The following PHKB variants were observed in gnomAD, a reference collection of about 807,000 sequenced individuals.
PHKB encodes phosphorylase b kinase regulatory subunit beta.
A neutral mutation model predicts 152.1 loss-of-function variants in PHKB; 122 were observed. That is an observed-to-expected ratio of 0.80 (90% CI 0.69 to 0.93). The LOEUF is 0.93. Ranked by LOEUF, PHKB falls within the 40% of genes least tolerant of loss-of-function variation. PHKB has a pLI of 0.00. For missense variants in PHKB, 1,304 were observed against 1,328.4 expected, an observed-to-expected ratio of 0.98 and a Z score of 0.29; for synonymous variants, 436 against 464.9, an observed-to-expected ratio of 0.94 and a Z score of 0.80.
At chr16:47,697,450 T>C (rs1049596942) in intron 29 of PHKB, among the ~76,000 whole-genome samples, 1 of 152,236 alleles carries the variant, frequency 6.6e-6, no homozygotes, top group East Asian at 1.9e-4. Flanking sequence ...GGACATATAG[T>C]AGACATAGAG....
At chr16:47,647,574 T>C (rs989271657) in intron 16 of PHKB, among the ~76,000 whole-genome samples, 2 of 151,966 alleles carry the variant, frequency 1.3e-5, no homozygotes, top group African/African-American at 4.8e-5. Flanking sequence ...CATGGCTCAC[T>C]GCAAGTTCTG....
At chr16:47,593,476 T>G in intron 10 of PHKB, 24 bp from the exon 11 acceptor site, 1 of 1,195,846 alleles carries the variant, frequency 8.4e-7, no homozygotes, top group Non-Finnish European at 1.2e-6. Context: ...AGTGTAAAAT[T>G]TAATGTTTTA....
chr16:47,503,055 G>C lies in PHKB; in HGVS notation c.370G>C (p.Gly124Arg), dbSNP rs749597903. 3.7e-6 allele frequency: 6 copies of C among 1,612,852 alleles called. No individual in the cohort carries two copies. Among genetic ancestry groups the C allele is most frequent in the Non-Finnish European group, 5.1e-6 (6 of 1,178,958 alleles). Residue 124 changes from glycine to arginine, a missense_variant, in exon 4 of 31, where the codon GGA (glycine) becomes CGA (arginine). By Grantham distance (125) the Gly-to-Arg change is moderately radical. Coordinates refer to ENST00000323584, the MANE Select transcript of PHKB (RefSeq NM_000293.3). ...LEHSAIKCMR[G>R]ILYCYMRQAD... ...GCACTCAGCTATAAAATGCATGAGAGGAATTCTCTACTGCTATATGCGTCA... is the reference window on the plus strand; with the variant it reads ...GCACTCAGCTATAAAATGCATGAGACGAATTCTCTACTGCTATATGCGTCA...
At chr16:47,496,166 G>A (rs920468920) in intron 1 of PHKB, among the ~76,000 whole-genome samples, 2 of 151,792 alleles carry the variant, frequency 1.3e-5, no homozygotes, top group African/African-American at 4.8e-5. Context: ...GTTCATTTTT[G>A]TGCTATGTTC....
chr16:47,666,564 G>C (rs373593263), intron 25 of PHKB, among the ~76,000 whole-genome samples: 72 of 152,344 alleles, frequency 4.7e-4, no homozygotes, highest in African/African-American at 1.6e-3. Context: ...CCAGTTAGCA[G>C]TGGTCTCTCT....
intron 7 of PHKB, chr16:47,561,170 T>C (rs993188815): frequency 5.3e-5 from 8 of 152,156 alleles, no homozygotes; most frequent in Non-Finnish European, 2.9e-5. Flanking sequence ...GTGGAATACT[T>C]TAGGAAATGA....
Position 47,565,116 on chromosome 16 carries a change from C to T in PHKB, c.711-15179C>T. On this transcript the variant is annotated intron_variant, in intron 7 of 30. Transcript: ENST00000323584. ...TAATCTTCTCCCTCGTTTTCATTTT[C>T]ACCATCAACGGAGACAGCAGCATAC... 3 of 509,558 alleles carry T rather than the reference C, an allele frequency of 5.9e-6. No individual in the cohort carries two copies. The Admixed American group carries it at 6.5e-5, about 11-fold the overall frequency. The allele number at this position is 509,558 out of a possible 1,614,324, so 31.6% of individuals were successfully genotyped here.
chr16:47,579,625 A>G (rs758524464), intron 7 of PHKB, among the ~76,000 whole-genome samples: 1 of 152,218 alleles, frequency 6.6e-6, no homozygotes, highest in African/African-American at 2.4e-5. Flanking sequence ...TTAAAAGATG[A>G]TATCATATTT....
intron 7 of PHKB, among the ~76,000 whole-genome samples, chr16:47,574,020 A>G (rs1333670960): frequency 2.0e-5 from 3 of 152,180 alleles, no homozygotes; most frequent in Non-Finnish European, 4.4e-5. Context: ...CCCGGGTCCA[A>G]GCGATTCTCC....
chr16:47,603,824 T>C (rs1033996373), intron 13 of PHKB, among the ~76,000 whole-genome samples: 3 of 152,192 alleles, frequency 2.0e-5, no homozygotes, highest in African/African-American at 7.2e-5. Context: ...CTTTCTTATA[T>C]GTCACATTCT....
chr16:47,665,883 A>G, intron 25 of PHKB: 1 of 1,178,578 alleles, frequency 8.5e-7, no homozygotes, highest in African/African-American at 1.5e-5. Context: ...TCAGGGCCCC[A>G]TGCATTCCTC....
rs915199480 is a variant in PHKB, at chr16:47,525,274, A to G, written c.594+9673A>G. On this transcript the variant is annotated intron_variant, in intron 6 of 30. Coordinates refer to ENST00000323584, the MANE Select transcript of PHKB (RefSeq NM_000293.3). Reference sequence around the variant, plus strand: ...GAGAAAAGATTTATTCTTTGATTTTAATATGTCTGGAGTTTTTACCCACAA... The same window carrying G: ...GAGAAAAGATTTATTCTTTGATTTTGATATGTCTGGAGTTTTTACCCACAA... 2.6e-5 allele frequency among the ~76,000 whole-genome samples: 4 copies of G among 152,164 alleles called. No homozygotes were observed. In the South Asian group the frequency reaches 8.3e-4, roughly 31 times the overall value.
At position 47,648,573 on chromosome 16, in the gene PHKB, C is replaced by G. The variant is rs1973176726; in HGVS notation, c.1649C>G (p.Ser550Cys). 2 of 1,613,208 alleles carry G rather than the reference C, an allele frequency of 1.2e-6. No homozygotes were observed. The highest frequency in any genetic ancestry group is 1.1e-5 in the South Asian group (1 of 91,046). The change falls in exon 17 of 31, where the codon TCT (serine) becomes TGT (cysteine). Residue 550 changes from serine (S) to cysteine (C), a missense_variant. By Grantham distance (112) the Ser-to-Cys change is moderately radical. Transcript: ENST00000323584. ...QLGINEKLGL[S>C]GRPDRPIGCL... The stretch of plus-strand genomic sequence containing the variant: ...GGTATCAATGAAAAGTTAGGACTCT[C>G]TGGAAGGCCAGACAGGCCCATTGGC...
intron 2 of PHKB, among the ~76,000 whole-genome samples, chr16:47,498,911 AG>A (rs1413226312): frequency 2.6e-5 from 4 of 152,172 alleles, no homozygotes; most frequent in African/African-American, 9.7e-5. Flanking sequence ...TCAAAACAAA[AG>A]GGTAGTTGCC....
At chr16:47,614,699 C>A (rs910988116) in intron 14 of PHKB, among the ~76,000 whole-genome samples, 3 of 152,074 alleles carry the variant, frequency 2.0e-5, no homozygotes, top group African/African-American at 7.2e-5. Context: ...AAAATATTTC[C>A]TCTGTCTTCA....
At chr16:47,622,831 A>G (rs1410827026) in intron 14 of PHKB, among the ~76,000 whole-genome samples, 1 of 152,220 alleles carries the variant, frequency 6.6e-6, no homozygotes, top group African/African-American at 2.4e-5. Flanking sequence ...GATCTCAGCT[A>G]AAAACATATA....
At chr16:47,634,833 C>T (rs1021460194) in intron 14 of PHKB, among the ~76,000 whole-genome samples, 1 of 152,152 alleles carries the variant, frequency 6.6e-6, no homozygotes, top group Non-Finnish European at 1.5e-5. Flanking sequence ...CATGGAGGGC[C>T]TCTTGGGCCT....
chr16:47,605,781 G>A lies in PHKB; in HGVS notation c.1364-5045G>A, dbSNP rs116326798. 7.8e-3 allele frequency among the ~76,000 whole-genome samples: 1,183 copies of A among 152,180 alleles called. 14 individuals are homozygous for A. Among genetic ancestry groups the A allele is most frequent in the African/African-American group, 0.027 (1,141 of 41,522 alleles). The stretch of plus-strand genomic sequence containing the variant: ...GCAACCTGATTTCGATAGGAAAAAT[G>A]TAACATGTCTAAATAGTTTTTTTTA... On this transcript the variant is annotated intron_variant, in intron 13 of 30. Transcript: ENST00000323584.
chr16:47,592,711 TTC>T (rs983246268), intron 10 of PHKB, among the ~76,000 whole-genome samples: 11 of 152,222 alleles, frequency 7.2e-5, no homozygotes, highest in African/African-American at 2.7e-4. Flanking sequence ...CTGAGGGAAG[TTC>T]TCTGTCTTTT....
Sources: allele counts gnomAD v4.1 joint callset (sites outside exome capture counted in the v4.1 genomes callset), GRCh38; gene constraint gnomAD v4.1.1; transcripts MANE v1.5; gene names NCBI Gene and HGNC (gene_info 2026-07-23, HGNC 2026-07-21).